The following RAB3D variants were observed in gnomAD, a reference collection of about 807,000 sequenced individuals.
RAB3D encodes RAB3D, member RAS oncogene family.
A neutral mutation model predicts 19.3 loss-of-function variants in RAB3D; 17 were observed. That is an observed-to-expected ratio of 0.88 (90% CI 0.60 to 1.32). The LOEUF (loss-of-function observed/expected upper bound fraction) is 1.32. Among genes scored for constraint, RAB3D ranks in the 40% most tolerant of loss-of-function variants. RAB3D has a pLI of 0.00. For synonymous variants in RAB3D, 103 were observed against 119.9 expected, an observed-to-expected ratio of 0.86 and a Z score of 0.92; for missense variants, 223 against 299.1, an observed-to-expected ratio of 0.75 and a Z score of 1.88.
chr19:11,338,044 C>T (rs955011832), intron 1 of RAB3D, among the ~76,000 whole-genome samples: 2 of 152,172 alleles, frequency 1.3e-5, no homozygotes, highest in African/African-American at 4.8e-5. Flanking sequence ...GGAAATGCAG[C>T]TGTGAATAGG....
intron 4 of RAB3D, among the ~76,000 whole-genome samples, chr19:11,325,956 C>T (rs925641189): frequency 1.3e-5 from 2 of 151,928 alleles, no homozygotes; most frequent in East Asian, 3.9e-4. Context: ...TGAGGAGGCT[C>T]ATGCCTATAA....
chr19:11,330,375 G>A (rs537295927), intron 4 of RAB3D, among the ~76,000 whole-genome samples: 5 of 152,148 alleles, frequency 3.3e-5, no homozygotes, highest in Non-Finnish European at 7.3e-5. Context: ...AATCACAGAC[G>A]TGTGATTACC....
In RAB3D at chr19:11,323,829, A is replaced by G. The variant is rs399878; in HGVS notation, c.*1569T>C. The G allele has an allele frequency of 0.25, 37,802 of 152,054 alleles. 9,419 individuals carry two copies. Among genetic ancestry groups the G allele is most frequent in the African/African-American group, 0.65 (26,868 of 41,434 alleles). The allele number at this position is 152,054 out of a possible 1,614,324, so 9.4% of individuals were successfully genotyped here. A position where few individuals can be genotyped will look rare whatever the true frequency, so the allele number is the denominator to read the frequency against. ...AGGGACGTGGGAACATAAAACATCC[A>G]CTTAGCCATCCTAACAGTGCTGGTC... On this transcript the variant is annotated 3_prime_UTR_variant, in exon 5 of 5. Transcript: ENST00000222120.
chr19:11,326,350 C>T (rs1381970807), intron 4 of RAB3D, among the ~76,000 whole-genome samples: 1 of 152,162 alleles, frequency 6.6e-6, no homozygotes, highest in African/African-American at 2.4e-5. Flanking sequence ...CACTGCACAC[C>T]AGCCTGGGTG....
rs751532964 is a variant in RAB3D, at chr19:11,325,421, G to T, written c.637C>A (p.Gln213Lys). Residue 213 changes from glutamine (Q) to lysine (K), a missense_variant, in exon 5 of 5, where the codon CAG becomes AAG. Physicochemically the swap from Gln to Lys is moderately conservative, Grantham distance 53. Coordinates refer to ENST00000222120, the MANE Select transcript of RAB3D (RefSeq NM_004283.4). ...CTCTAGCAGCTGCAGCTGCTGGGCT[G>T]GGGGGCTGGAGCATCCCCCACGGCC... ...GPAVGDAPAP[Q>K]PSSCSC The T allele has an allele frequency of 1.1e-5, 18 of 1,568,338 alleles. No individual in the cohort carries two copies. The highest frequency in any genetic ancestry group is 1.4e-5 in the Non-Finnish European group (16 of 1,152,664).
At chr19:11,336,671 T>C (rs954910091) in intron 2 of RAB3D, among the ~76,000 whole-genome samples, 6 of 151,740 alleles carry the variant, frequency 4.0e-5, no homozygotes, top group African/African-American at 9.7e-5. Context: ...CCAGGAATAA[T>C]ACTGTTTCCC....
At chr19:11,331,853 G>C (rs914443932) in intron 4 of RAB3D, among the ~76,000 whole-genome samples, 1 of 152,030 alleles carries the variant, frequency 6.6e-6, no homozygotes, top group Non-Finnish European at 1.5e-5. Flanking sequence ...AGCTGGAGTT[G>C]CATAGTGAAG....
intron 1 of RAB3D, among the ~76,000 whole-genome samples, chr19:11,338,362 C>A (rs557999345): frequency 6.6e-6 from 1 of 152,084 alleles, no homozygotes; most frequent in African/African-American, 2.4e-5. Context: ...CGTGTGCAGC[C>A]GGTGTGGCCC....
chr19:11,323,258 G>C lies in RAB3D; in HGVS notation c.*2140C>G, dbSNP rs868153881. ...TTCAGATACCCTCACTTTGTGCATA[G>C]GATTTGTCCATTACACCTCAGTCAT... On this transcript the variant is annotated 3_prime_UTR_variant, in exon 5 of 5. Transcript: ENST00000222120. 15 of 152,294 alleles carry C rather than the reference G, an allele frequency of 9.8e-5. No individual in the cohort carries two copies. The highest frequency in any genetic ancestry group is 1.9e-4 in the Non-Finnish European group (13 of 68,014). 9.4% of individuals were successfully genotyped at this position (152,294 alleles called of 1,614,324 possible). A position where few individuals can be genotyped will look rare whatever the true frequency, so the allele number is the denominator to read the frequency against.
At chr19:11,330,825 C>T (rs2080833112) in intron 4 of RAB3D, among the ~76,000 whole-genome samples, 1 of 151,984 alleles carries the variant, frequency 6.6e-6, no homozygotes, top group South Asian at 2.1e-4. Flanking sequence ...GCTGGGATTA[C>T]AGGCATGAGC....
At position 11,337,563 on chromosome 19, in the gene RAB3D, G is replaced by A. The variant is rs529257646; in HGVS notation, c.-61-103C>T. Reference sequence around the variant, plus strand: ...GAGACCAAGTGATGCTGGATGCATCGCTTGCCCCCTCTAGACCTCAGTGTC... The same window carrying A: ...GAGACCAAGTGATGCTGGATGCATCACTTGCCCCCTCTAGACCTCAGTGTC... On this transcript the variant is annotated intron_variant, in intron 1 of 4. Transcript: ENST00000222120. 51 of 620,254 alleles carry A rather than the reference G, an allele frequency of 8.2e-5. 1 individual carries two copies. Among genetic ancestry groups the A allele is most frequent in the South Asian group, 7.5e-4 (41 of 54,714 alleles). The allele number at this position is 620,254 out of a possible 1,614,324, so 38.4% of individuals were successfully genotyped here.
At chr19:11,328,014 T>G (rs1328297770) in intron 4 of RAB3D, among the ~76,000 whole-genome samples, 1 of 151,462 alleles carries the variant, frequency 6.6e-6, no homozygotes, top group Non-Finnish European at 1.5e-5. Flanking sequence ...CTGGGCAACA[T>G]AGCAAGACCC....
intron 1 of RAB3D, 26 bp from the exon 2 acceptor site, chr19:11,337,486 C>A: frequency 1.9e-6 from 2 of 1,074,494 alleles, no homozygotes; most frequent in African/African-American, 1.5e-5. Flanking sequence ...ACATCAAGAA[C>A]AGCTCCTGTG....
intron 4 of RAB3D, among the ~76,000 whole-genome samples, chr19:11,329,011 G>A (rs560764568): frequency 6.0e-5 from 9 of 149,484 alleles, no homozygotes; most frequent in African/African-American, 2.2e-4. Context: ...AACTCACTAC[G>A]GCCTTGACTC....
chr19:11,335,844 T>C, intron 2 of RAB3D, 61 bp from the exon 3 acceptor site: 1 of 1,487,154 alleles, frequency 6.7e-7, no homozygotes, highest in Non-Finnish European at 9.4e-7. Context: ...ACCCCTGTCT[T>C]AGAGGGGCAC....
chr19:11,334,479 A>G (rs1337147269), intron 4 of RAB3D, among the ~76,000 whole-genome samples: 2 of 151,888 alleles, frequency 1.3e-5, no homozygotes, highest in East Asian at 3.9e-4. Flanking sequence ...AAACAAAAAC[A>G]AAAACAAACC....
In RAB3D at chr19:11,322,743, T is replaced by A. The variant is rs2080787661; in HGVS notation, c.*2655A>T. On this transcript the variant is annotated 3_prime_UTR_variant, in exon 5 of 5. Coordinates refer to ENST00000222120, the MANE Select transcript of RAB3D (RefSeq NM_004283.4). ...CAGCTCTCTCGGCTGCTACTTGAAG[T>A]TGAATTCTTGAAAAATCTTATGTAA... 6.6e-6 allele frequency: 1 copy of A among 152,224 alleles called. No individual in the cohort carries two copies. Among genetic ancestry groups the A allele is most frequent in the Admixed American group, 6.5e-5 (1 of 15,276 alleles). The allele number at this position is 152,224 out of a possible 1,614,324, so 9.4% of individuals were successfully genotyped here. A position where few individuals can be genotyped will look rare whatever the true frequency, so the allele number is the denominator to read the frequency against.
intron 3 of RAB3D, 23 bp downstream of exon 3, chr19:11,335,642 G>A (rs1355676956): frequency 6.2e-7 from 1 of 1,613,032 alleles, no homozygotes; most frequent in Non-Finnish European, 8.5e-7. Flanking sequence ...AAGATCAGGG[G>A]TCCATGATCA....
intron 4 of RAB3D, among the ~76,000 whole-genome samples, chr19:11,331,798 G>A: frequency 6.6e-6 from 1 of 151,776 alleles, no homozygotes; most frequent in East Asian, 2.0e-4. Context: ...GTGAAAGAGT[G>A]AGGCTCTGTC....
Sources: gnomAD v4.1 joint callset for allele counts (sites outside exome capture counted in the v4.1 genomes callset) on GRCh38, gnomAD v4.1.1 for gene constraint, MANE v1.5 for transcripts, NCBI Gene and HGNC (gene_info 2026-07-23, HGNC 2026-07-21) for gene names.